The following KAZN variants were observed in gnomAD, a reference collection of about 807,000 sequenced individuals.
KAZN encodes the protein kazrin.
In KAZN, 40 loss-of-function variants were observed where a neutral mutation model predicts 87.4. The observed-to-expected ratio is 0.46, with a 90% confidence interval of 0.36 to 0.60. The LOEUF (loss-of-function observed/expected upper bound fraction) is 0.60, where lower values mean the gene tolerates loss of function less well. Among genes scored for constraint, KAZN ranks in the 20% least tolerant of loss-of-function variants. The pLI is 0.00. For missense variants in KAZN, 898 were observed against 1,073.9 expected (o/e 0.84, Z 2.29); for synonymous variants, 466 against 458.3 (o/e 1.02, Z -0.22).
At chr1:14,478,983 C>T (rs545304508) in intron 2 of KAZN, among the ~76,000 whole-genome samples, 1 of 152,336 alleles carries the variant, frequency 6.6e-6, no homozygotes, top group African/African-American at 2.4e-5. Flanking sequence ...TTGTTATGGG[C>T]AACTGGGAGT....
Position 14,735,345 on chromosome 1 carries a change from C to A in KAZN, c.226+136122C>A, listed in dbSNP as rs1174016299. Among the ~76,000 whole-genome samples, 2 of 152,218 alleles carry A rather than the reference C, an allele frequency of 1.3e-5. No individual in the cohort carries two copies. Among genetic ancestry groups the A allele is most frequent in the Non-Finnish European group, 2.9e-5 (2 of 68,046 alleles). On this transcript the variant is annotated intron_variant, in intron 1 of 14. Transcript: ENST00000376030. This position sits in a 1 kb window ranked among gnomAD's most constrained non-coding sequence, Gnocchi z 4.3. ...AAAGTGCTGGGATTACAGGCGTGAG[C>A]CACCGCGCCCGGCCCGTGCTGTTGT...
intron 2 of KAZN, among the ~76,000 whole-genome samples, chr1:14,514,985 T>A (rs1407591514): frequency 6.6e-6 from 1 of 152,074 alleles, no homozygotes; most frequent in East Asian, 1.9e-4. Context: ...ACATAGAGTA[T>A]CCCATTCCTC....
intron 2 of KAZN, among the ~76,000 whole-genome samples, chr1:14,346,218 A>C (rs575195239): frequency 6.6e-6 from 1 of 151,954 alleles, no homozygotes; most frequent in African/African-American, 2.4e-5. Flanking sequence ...AATGCACAAG[A>C]CTCTTCCCAC....
chr1:14,188,371 G>T (rs1646355969), intron 2 of KAZN, among the ~76,000 whole-genome samples: 1 of 152,064 alleles, frequency 6.6e-6, no homozygotes. Flanking sequence ...TATTTTTTCA[G>T]AAATTTACAT....
At chr1:14,550,738 T>TCTC (rs1329797253) in intron 2 of KAZN, among the ~76,000 whole-genome samples, 1 of 37,968 alleles carries the variant, frequency 2.6e-5, no homozygotes, top group Non-Finnish European at 5.3e-5. Flanking sequence ...TCTCTCTCTC[T>TCTC]CCCCCACCCC....
intron 1 of KAZN, among the ~76,000 whole-genome samples, chr1:14,074,579 G>A (rs535229052): frequency 2.0e-5 from 3 of 152,224 alleles, no homozygotes; most frequent in East Asian, 1.9e-4. Flanking sequence ...GTGGGAGGGT[G>A]CAGGGAGAGT....
chr1:14,245,336 TTG>T (rs1248577345), intron 2 of KAZN, among the ~76,000 whole-genome samples: 5 of 152,014 alleles, frequency 3.3e-5, no homozygotes, highest in Non-Finnish European at 2.9e-5. Context: ...AAGAGTGAAT[TTG>T]TGTCCATGTA....
intron 1 of KAZN, among the ~76,000 whole-genome samples, chr1:14,906,589 G>T (rs1656605848): frequency 6.6e-6 from 1 of 151,824 alleles, no homozygotes; most frequent in East Asian, 1.9e-4. Flanking sequence ...GGGGCACGTT[G>T]ATATTTTTTC....
chr1:14,384,783 T>C (rs1661716161), intron 2 of KAZN, among the ~76,000 whole-genome samples: 1 of 151,808 alleles, frequency 6.6e-6, no homozygotes, highest in Admixed American at 6.6e-5. Context: ...TTCTCTTTTT[T>C]GGTTGTGTCT....
intron 1 of KAZN, among the ~76,000 whole-genome samples, chr1:14,813,019 G>A (rs1646459435): frequency 6.6e-6 from 1 of 152,162 alleles, no homozygotes. Flanking sequence ...CTGGTTTGAA[G>A]TACTACTTAG....
intron 1 of KAZN, among the ~76,000 whole-genome samples, chr1:14,613,065 A>G (rs1436485713): frequency 6.6e-6 from 1 of 152,200 alleles, no homozygotes. Flanking sequence ...GTTGCTTAGA[A>G]GCCTTGCTCC....
rs79896306 is a variant in KAZN at position 14,178,251 on chromosome 1, C to G, written c.92-2184C>G. On this transcript the variant is annotated intron_variant, in intron 1 of 16. Coordinates refer to the KAZN transcript ENST00000636203. Reference sequence around the variant, plus strand: ...CTTTCCTTTATAAATTACCCAGTCTCTCCGATGTTTCTTCATGGCAGAATG... The same window carrying G: ...CTTTCCTTTATAAATTACCCAGTCTGTCCGATGTTTCTTCATGGCAGAATG... 7.2e-3 allele frequency among the ~76,000 whole-genome samples: 1,094 copies of G among 152,294 alleles called. 19 individuals carry two copies. Among genetic ancestry groups the G allele is most frequent in the African/African-American group, 0.025 (1,038 of 41,550 alleles).
intron 1 of KAZN, among the ~76,000 whole-genome samples, chr1:14,758,552 A>G (rs1248765844): frequency 6.6e-6 from 1 of 151,958 alleles, no homozygotes; most frequent in Admixed American, 6.6e-5. Context: ...GGCTTAAGCA[A>G]TCCTCCCACC....
chr1:13,941,325 C>T (rs1640920009), intron 1 of KAZN, among the ~76,000 whole-genome samples: 1 of 152,228 alleles, frequency 6.6e-6, no homozygotes, highest in African/African-American at 2.4e-5. Flanking sequence ...AGTTCCCTTC[C>T]CTTTATCAAA....
At chr1:13,896,469 T>C (rs775297995) in intron 1 of KAZN, among the ~76,000 whole-genome samples, 15 of 152,136 alleles carry the variant, frequency 9.9e-5, no homozygotes, top group Non-Finnish European at 1.6e-4. Context: ...TTTTAATTTT[T>C]TTTGTAGAGA....
chr1:14,835,560 G>A (rs527435837), intron 1 of KAZN, among the ~76,000 whole-genome samples: 4 of 152,230 alleles, frequency 2.6e-5, no homozygotes, highest in Non-Finnish European at 5.9e-5. Flanking sequence ...TCATTGTCAC[G>A]GGAGGAAACT....
chr1:14,763,481 G>T (rs537356980), intron 1 of KAZN, among the ~76,000 whole-genome samples: 16 of 152,208 alleles, frequency 1.1e-4, no homozygotes, highest in Admixed American at 1.0e-3. Flanking sequence ...TACACCATAG[G>T]AGAGAACAGA....
chr1:14,376,298 T>C (rs1026264604), intron 2 of KAZN, among the ~76,000 whole-genome samples: 1 of 152,196 alleles, frequency 6.6e-6, no homozygotes, highest in Admixed American at 6.5e-5. Context: ...TGTTGGAAGC[T>C]AATCCCCAAA....
chr1:14,076,306 C>G lies in KAZN; in HGVS notation c.92-104129C>G, dbSNP rs115364418. Among the ~76,000 whole-genome samples the G allele has an allele frequency of 5.2e-3, 795 of 152,114 alleles. 13 individuals carry two copies. The highest frequency in any genetic ancestry group is 0.018 in the African/African-American group (760 of 41,500). On this transcript the variant is annotated intron_variant, in intron 1 of 16. Transcript: ENST00000636203. ...AAAAAAAAAGGGAAAGGTAGACACA[C>G]AGACAGGTCAGCACACTGTGAAGAG...
Sources: allele counts gnomAD v4.1 joint callset (sites outside exome capture counted in the v4.1 genomes callset), GRCh38; gene constraint gnomAD v4.1.1; non-coding constraint Gnocchi (gnomAD v3.1); transcripts MANE v1.5; gene names NCBI Gene and HGNC (gene_info 2026-07-23, HGNC 2026-07-21).